Variants in NUDCD1 observed in about 807,000 individuals in gnomAD.
NUDCD1 encodes the protein NudC domain containing 1.
Under a neutral mutation model 67.8 loss-of-function variants are expected in NUDCD1, and 60 were observed. The observed-to-expected ratio is 0.88, with a 90% confidence interval of 0.72 to 1.10. NUDCD1 has a LOEUF of 1.10. Ranked by LOEUF, NUDCD1 falls within the 50% of genes least tolerant of loss-of-function variation. NUDCD1 has a pLI of 0.00. For synonymous variants in NUDCD1, 244 were observed against 230.8 expected, an observed-to-expected ratio of 1.06 and a Z score of -0.52; for missense variants, 643 against 695.0, an observed-to-expected ratio of 0.93 and a Z score of 0.84.
chr8:109,271,145 T>C lies in NUDCD1; in HGVS notation c.1174-15A>G. On this transcript the variant is annotated splice_polypyrimidine_tract_variant and intron_variant, in intron 7 of 9. Transcript: ENST00000239690. ...GGATTTGGATTCTTAGTCCAGAAAATAAAATAAGTAAATAAGTAAAACAAA... is the reference window on the plus strand; with the variant it reads ...GGATTTGGATTCTTAGTCCAGAAAACAAAATAAGTAAATAAGTAAAACAAA... The C allele has an allele frequency of 6.7e-7, 1 of 1,495,668 alleles. No individual in the cohort carries two copies. The highest frequency in any genetic ancestry group is 9.1e-7 in the Non-Finnish European group (1 of 1,098,672). The allele number at this position is 1,495,668 out of a possible 1,614,324, so 92.6% of individuals were successfully genotyped here. A position where few individuals can be genotyped will look rare whatever the true frequency, so the allele number is the denominator to read the frequency against.
chr8:109,256,421 A>G (rs547039348), intron 8 of NUDCD1, among the ~76,000 whole-genome samples: 2 of 151,506 alleles, frequency 1.3e-5, no homozygotes, highest in East Asian at 3.9e-4. Context: ...TGTTTTGTGA[A>G]ACTTTTGCAT....
At chr8:109,270,960 G>C (rs1193362852) in intron 8 of NUDCD1, 45 bp downstream of exon 8, 1 of 1,309,586 alleles carries the variant, frequency 7.6e-7, no homozygotes, top group African/African-American at 1.5e-5. Context: ...CATTATCTGA[G>C]TAACTACTGA....
chr8:109,309,236 A>G (rs982250739), intron 2 of NUDCD1, among the ~76,000 whole-genome samples: 2 of 152,228 alleles, frequency 1.3e-5, no homozygotes, highest in Non-Finnish European at 2.9e-5. Context: ...ACTGAATCCA[A>G]CAACATATCA....
chr8:109,303,298 C>T (rs376094988), intron 2 of NUDCD1, among the ~76,000 whole-genome samples: 14 of 152,184 alleles, frequency 9.2e-5, no homozygotes, highest in Non-Finnish European at 1.9e-4. Context: ...ACTGCCCGAT[C>T]GCCTTGGAAG....
intron 6 of NUDCD1, among the ~76,000 whole-genome samples, chr8:109,280,269 T>C (rs1814401494): frequency 6.6e-6 from 1 of 152,192 alleles, no homozygotes; most frequent in South Asian, 2.1e-4. Flanking sequence ...TCATTGCAAG[T>C]GAACAAAAGC....
chr8:109,319,767 A>C (rs1815487893), intron 2 of NUDCD1, among the ~76,000 whole-genome samples: 1 of 152,212 alleles, frequency 6.6e-6, no homozygotes, highest in Non-Finnish European at 1.5e-5. Context: ...AAAGATGAAA[A>C]GTTTATTTTA....
chr8:109,328,141 G>A (rs1392871009), intron 1 of NUDCD1, among the ~76,000 whole-genome samples: 1 of 152,086 alleles, frequency 6.6e-6, no homozygotes, highest in African/African-American at 2.4e-5. Context: ...AAACAACAAA[G>A]GACACTTATG....
In NUDCD1 at chr8:109,302,335, G is replaced by A. The variant is rs183163613; in HGVS notation, c.274-5766C>T. ...ATGTCCAGGCATTCTTTTACACATC[G>A]GTCCCTTCCTAATCTCTGCTCCCAA... On this transcript the variant is annotated intron_variant, in intron 2 of 9. Coordinates refer to ENST00000239690, the MANE Select transcript of NUDCD1 (RefSeq NM_032869.4). 1.8e-3 allele frequency among the ~76,000 whole-genome samples: 274 copies of A among 151,918 alleles called. 1 individual carries two copies. The highest frequency in any genetic ancestry group is 3.4e-3 in the Middle Eastern group (1 of 292).
intron 2 of NUDCD1, among the ~76,000 whole-genome samples, chr8:109,306,526 GTGT>G (rs1395154743): frequency 3.9e-5 from 6 of 151,926 alleles, no homozygotes; most frequent in Admixed American, 1.3e-4. Flanking sequence ...TAAAAGAAGA[GTGT>G]TGTTTTTACC....
intron 1 of NUDCD1, among the ~76,000 whole-genome samples, chr8:109,330,358 C>CA (rs949175742): frequency 9.2e-5 from 14 of 152,148 alleles, no homozygotes; most frequent in African/African-American, 3.4e-4. Context: ...ATCTTAAATG[C>CA]AGTGTTTCAG....
At chr8:109,245,824 G>A (rs1195306581) in intron 8 of NUDCD1, among the ~76,000 whole-genome samples, 2 of 152,118 alleles carry the variant, frequency 1.3e-5, no homozygotes, top group Admixed American at 1.3e-4. Flanking sequence ...ACGATATAAA[G>A]CAGGGGTCCC....
At chr8:109,273,260 T>C (rs1407675335) in intron 7 of NUDCD1, among the ~76,000 whole-genome samples, 2 of 152,076 alleles carry the variant, frequency 1.3e-5, no homozygotes, top group East Asian at 1.9e-4. Flanking sequence ...CTGGTAACCA[T>C]CCTAGGCTTT....
chr8:109,301,051 A>G (rs1230879465), intron 2 of NUDCD1, among the ~76,000 whole-genome samples: 2 of 152,198 alleles, frequency 1.3e-5, no homozygotes, highest in Non-Finnish European at 2.9e-5. Context: ...AACAAATGCC[A>G]AGAGAATTCA....
At chr8:109,332,217 C>G (rs1403081801) in intron 1 of NUDCD1, among the ~76,000 whole-genome samples, 1 of 152,136 alleles carries the variant, frequency 6.6e-6, no homozygotes, top group Non-Finnish European at 1.5e-5. Context: ...ATGGAGAATG[C>G]AATGACGAAG....
At chr8:109,301,953 T>G (rs139613043) in intron 2 of NUDCD1, among the ~76,000 whole-genome samples, 1 of 152,162 alleles carries the variant, frequency 6.6e-6, no homozygotes, top group East Asian at 1.9e-4. Context: ...GCAAGTCAAG[T>G]GCGGGGATGC....
chr8:109,302,004 C>T (rs2130064444), intron 2 of NUDCD1, among the ~76,000 whole-genome samples: 1 of 152,284 alleles, frequency 6.6e-6, no homozygotes, highest in African/African-American at 2.4e-5. Flanking sequence ...CAGGGCTGCT[C>T]ACTACCTCCC....
chr8:109,282,847 A>AG (rs796708593), intron 5 of NUDCD1, among the ~76,000 whole-genome samples: 13 of 152,104 alleles, frequency 8.5e-5, no homozygotes, highest in African/African-American at 3.1e-4. Flanking sequence ...AAATTCCAAA[A>AG]AAAAAAAGAA....
chr8:109,263,722 G>A (rs912547838), intron 8 of NUDCD1, among the ~76,000 whole-genome samples: 7 of 152,146 alleles, frequency 4.6e-5, no homozygotes, highest in African/African-American at 1.4e-4. Flanking sequence ...TTGGGTTGGG[G>A]AGGGGGGTGC....
At chr8:109,300,860 GTA>G (rs1814972054) in intron 2 of NUDCD1, among the ~76,000 whole-genome samples, 1 of 152,176 alleles carries the variant, frequency 6.6e-6, no homozygotes, top group Admixed American at 6.5e-5. Flanking sequence ...AAAGAACCAA[GTA>G]ACCTATAAAG....
Sources: gnomAD v4.1 joint callset for allele counts (sites outside exome capture counted in the v4.1 genomes callset) on GRCh38, gnomAD v4.1.1 for gene constraint, MANE v1.5 for transcripts, NCBI Gene and HGNC (gene_info 2026-07-23, HGNC 2026-07-21) for gene names.